Variants in MORC1 observed in about 807,000 individuals in gnomAD.
The protein encoded by MORC1 is MORC family CW-type zinc finger protein 1.
Under a neutral mutation model 134.9 loss-of-function variants are expected in MORC1, and 59 were observed. The ratio of observed to expected loss-of-function variants is 0.44; its 90% CI spans 0.35 to 0.54. MORC1 has a LOEUF of 0.54. Among genes scored for constraint, MORC1 ranks in the 20% least tolerant of loss-of-function variants. The pLI, the probability that MORC1 is intolerant of heterozygous loss-of-function variation, is 0.00. For missense variants in MORC1, 947 were observed against 1,134.5 expected (o/e 0.83, Z 2.37); for synonymous variants, 395 against 391.7 (o/e 1.01, Z -0.10).
Position 109,005,254 on chromosome 3 carries a change from GAA to G in MORC1, c.1827_1828del (p.Ser610IlefsTer3). On this transcript the variant is annotated frameshift_variant, in exon 19 of 28. Transcript: ENST00000232603. LOFTEE classifies it high-confidence loss of function. ...ACGGCTCGCTGAAAGCTCAAAGGAT[GAA>G]AGAGATTCATGCTTCAAGTCATCGC... The G allele has an allele frequency of 6.2e-7, 1 of 1,613,626 alleles. No individual in the cohort carries two copies. The highest frequency in any genetic ancestry group is 8.5e-7 in the Non-Finnish European group (1 of 1,179,852).
intron 14 of MORC1, among the ~76,000 whole-genome samples, chr3:109,050,461 T>C (rs752893061): frequency 6.6e-6 from 1 of 152,146 alleles, no homozygotes; most frequent in African/African-American, 2.4e-5. Flanking sequence ...ACCTCCTTTA[T>C]AAATACACTA....
In MORC1 at chr3:109,027,816, T is replaced by C. The variant is rs1370529036; in HGVS notation, c.1639A>G (p.Lys547Glu). The change falls in exon 17 of 28, where the codon AAA (lysine) becomes GAA (glutamate). Residue 547 changes from lysine to glutamate, a missense_variant. Coordinates refer to ENST00000232603, the MANE Select transcript of MORC1 (RefSeq NM_014429.4). Reference protein sequence around the residue: ...MSTISPSKNEKEKQLRESVIK... With the variant: ...MSTISPSKNEEEKQLRESVIK... ...ACCGACTCTCTAAGTTGCTTCTCTT[T>C]CTCATTTTTTGATGGTGATATTGTG... 1.9e-6 allele frequency: 3 copies of C among 1,613,798 alleles called. No homozygotes were observed. The highest frequency in any genetic ancestry group is 2.5e-6 in the Non-Finnish European group (3 of 1,179,884).
At chr3:109,076,826 G>A (rs558382461) in intron 8 of MORC1, among the ~76,000 whole-genome samples, 14 of 152,140 alleles carry the variant, frequency 9.2e-5, no homozygotes, top group East Asian at 5.8e-4. Context: ...AGGGCCTGGC[G>A]GGGGATCGGG....
chr3:109,013,813 G>T (rs1948754924), intron 17 of MORC1, among the ~76,000 whole-genome samples: 1 of 152,102 alleles, frequency 6.6e-6, no homozygotes, highest in Admixed American at 6.5e-5. Flanking sequence ...GAGGTGTTTA[G>T]GTTATGAGGA....
At chr3:109,070,962 T>C (rs13094544) in intron 8 of MORC1, among the ~76,000 whole-genome samples, 3 of 152,196 alleles carry the variant, frequency 2.0e-5, no homozygotes, top group Non-Finnish European at 2.9e-5. Flanking sequence ...AGTCCATCAC[T>C]CTTATTCCCT....
chr3:109,093,565 C>G (rs1288137344), intron 7 of MORC1, 24 bp from the exon 8 acceptor site: 1 of 1,495,594 alleles, frequency 6.7e-7, no homozygotes, highest in Non-Finnish European at 9.3e-7. Flanking sequence ...AGATGTTTGA[C>G]TTGTCAGTAT....
chr3:109,025,987 A>G (rs1483233601), intron 17 of MORC1, among the ~76,000 whole-genome samples: 1 of 152,166 alleles, frequency 6.6e-6, no homozygotes, highest in Non-Finnish European at 1.5e-5. Context: ...ACATTTTGGT[A>G]TTACAGATAC....
rs1175106744 is a variant in MORC1, at chr3:109,038,287, G to T, written c.1331-2819C>A. Among the ~76,000 whole-genome samples the T allele has an allele frequency of 3.3e-4, 49 of 146,744 alleles. No homozygotes were observed. In the East Asian group the frequency reaches 4.8e-3, roughly 14 times the overall value. ...TATCCTTTGCCCACTTGTTGATGGGGTTTTTTTTTTTTGTAAATTTGTTTA... is the reference window on the plus strand; with the variant it reads ...TATCCTTTGCCCACTTGTTGATGGGTTTTTTTTTTTTTGTAAATTTGTTTA... On this transcript the variant is annotated intron_variant, in intron 14 of 27. Coordinates refer to ENST00000232603, the MANE Select transcript of MORC1 (RefSeq NM_014429.4).
At chr3:109,106,860 T>C (rs539307132) in intron 3 of MORC1, among the ~76,000 whole-genome samples, 1 of 152,292 alleles carries the variant, frequency 6.6e-6, no homozygotes, top group South Asian at 2.1e-4. Flanking sequence ...GTCGTGCATT[T>C]CACTGCTCTC....
chr3:109,069,870 G>T, intron 8 of MORC1, 113 bp from the exon 9 acceptor site: 1 of 1,178,854 alleles, frequency 8.5e-7, no homozygotes, highest in Non-Finnish European at 1.1e-6. Context: ...GAAGCTTCAA[G>T]AACTTTTCTT....
intron 14 of MORC1, among the ~76,000 whole-genome samples, chr3:109,043,189 G>GT (rs1949599282): frequency 7.0e-5 from 1 of 14,278 alleles, no homozygotes. Flanking sequence ...GGCAAAATGT[G>GT]GGGGGGGGGG....
chr3:108,979,756 T>C (rs191403794), intron 23 of MORC1, 89 bp from the exon 24 acceptor site: 3 of 1,476,208 alleles, frequency 2.0e-6, no homozygotes, highest in Non-Finnish European at 2.8e-6. Flanking sequence ...AATGTTCATA[T>C]ACAACAAATG....
intron 24 of MORC1, among the ~76,000 whole-genome samples, chr3:108,979,023 T>G (rs1252269065): frequency 6.6e-6 from 1 of 152,174 alleles, no homozygotes; most frequent in Non-Finnish European, 1.5e-5. Context: ...ATCATGAACT[T>G]TTTCCTCTCC....
At position 109,111,081 on chromosome 3, in the gene MORC1, G is replaced by T. The variant is rs1005918575; in HGVS notation, c.120-298C>A. Among the ~76,000 whole-genome samples the T allele has an allele frequency of 1.4e-4, 20 of 144,058 alleles. 1 individual carries two copies. In the South Asian group the frequency reaches 1.6e-3, roughly 11 times the overall value. The allele number at this position is 144,058 out of a possible 152,430, so 94.5% of individuals were successfully genotyped here. A position where few individuals can be genotyped will look rare whatever the true frequency, so the allele number is the denominator to read the frequency against. ...AAAAAAAAAAAAACAAAAAAAGCTG[G>T]CTGGCAAATAATCCAGAAGTCATGG... On this transcript the variant is annotated intron_variant, in intron 2 of 27. Coordinates refer to ENST00000232603, the MANE Select transcript of MORC1 (RefSeq NM_014429.4).
intron 26 of MORC1, among the ~76,000 whole-genome samples, chr3:108,967,775 C>T (rs1028705905): frequency 6.6e-5 from 10 of 151,990 alleles, no homozygotes; most frequent in Admixed American, 6.6e-5. Flanking sequence ...ACTGCTGGAA[C>T]CCATGAGTTC....
chr3:109,041,268 G>A (rs1459150121), intron 14 of MORC1, among the ~76,000 whole-genome samples: 5 of 151,812 alleles, frequency 3.3e-5, no homozygotes, highest in South Asian at 4.2e-4. Flanking sequence ...CCGAGATCGC[G>A]CCACTGCACT....
rs76855463 is a variant in MORC1, at chr3:109,057,267, A to G, written c.1175+76T>C. On this transcript the variant is annotated intron_variant, in intron 13 of 27. Transcript: ENST00000232603. ...TTGCTCCCATTGTGATTAGTCACTC[A>G]TCTCACTCCACAGACAGAATCTTAC... The G allele has an allele frequency of 1.0e-3, 1,479 of 1,450,002 alleles. 23 individuals carry two copies. The African/African-American group carries it at 0.018, about 18-fold the overall frequency. 89.8% of individuals were successfully genotyped at this position (1,450,002 alleles called of 1,614,324 possible). A position where few individuals can be genotyped will look rare whatever the true frequency, so the allele number is the denominator to read the frequency against.
In MORC1 at chr3:109,031,124, G is replaced by A. The variant is rs143999483; in HGVS notation, c.1565+1596C>T. On this transcript the variant is annotated intron_variant, in intron 16 of 27. Transcript: ENST00000232603. ...GGACAACAGTAAGTTGAAGGTAAGG[G>A]AAACTGCAGACGACAGCTTCCCAGT... Among the ~76,000 whole-genome samples, 463 of 152,284 alleles carry A rather than the reference G, an allele frequency of 3.0e-3. 5 individuals carry two copies. Among genetic ancestry groups the A allele is most frequent in the Admixed American group, 0.029 (439 of 15,294 alleles).
chr3:109,035,092 A>G (rs1390773419), intron 15 of MORC1, among the ~76,000 whole-genome samples: 2 of 152,056 alleles, frequency 1.3e-5, no homozygotes. Context: ...TCCATCATAG[A>G]ATCTTGCCTC....
Sources: gnomAD v4.1 joint callset for allele counts (sites outside exome capture counted in the v4.1 genomes callset) on GRCh38, gnomAD v4.1.1 for gene constraint, MANE v1.5 for transcripts, NCBI Gene and HGNC (gene_info 2026-07-23, HGNC 2026-07-21) for gene names.